Variants in COL6A2 observed in about 807,000 individuals in gnomAD.
The protein encoded by COL6A2 is collagen alpha-2(VI) chain.
Under a neutral mutation model 124.9 loss-of-function variants are expected in COL6A2, and 90 were observed. The observed-to-expected ratio is 0.72, with a 90% CI of 0.61 to 0.86. The LOEUF (loss-of-function observed/expected upper bound fraction) is 0.86. Among genes scored for constraint, COL6A2 ranks in the 40% least tolerant of loss-of-function variants. The probability of loss-of-function intolerance (pLI) is 0.00; values close to 1 mark genes in which losing one functional copy is unlikely to be tolerated. For synonymous variants in COL6A2, 793 were observed against 618.2 expected (o/e 1.28, Z -4.19); for missense variants, 1,607 against 1,502.5 (o/e 1.07, Z -1.15).
intron 25 of COL6A2, 66 bp downstream of exon 25, chr21:46,125,683 G>A (rs1361234102): frequency 3.1e-6 from 5 of 1,591,600 alleles, no homozygotes; most frequent in South Asian, 1.1e-5. Context: ...GCGATGAGAT[G>A]GGAGAAGTCC....
Position 46,114,055 on chromosome 21 carries a change from G to C in COL6A2, c.783G>C (p.Lys261Asn). The change falls in exon 5 of 28, where the codon AAG becomes AAC. Residue 261 changes from lysine (K) to asparagine (N), a missense_variant. By Grantham distance (94) the Lys-to-Asn change is moderately conservative. Around this residue, in one of 3 missense-constraint regions of COL6A2, gnomAD observed 342 missense variants for 381.5 expected, o/e 0.90. Coordinates refer to ENST00000300527, the MANE Select transcript of COL6A2 (RefSeq NM_001849.4). ...AAATCCCTGGGCCCTCTGGCCCCAA[G>C]GGCTACCGTGGACAGAAGGTAAGAT... ...CLEIPGPSGP[K>N]GYRGQKGAKG... The C allele has an allele frequency of 6.2e-7, 1 of 1,613,640 alleles. No individual in the cohort carries two copies. Among genetic ancestry groups the C allele is most frequent in the Non-Finnish European group, 8.5e-7 (1 of 1,179,850 alleles).
chr21:46,114,170 T>A, intron 5 of COL6A2, 97 bp downstream of exon 5: 1 of 1,017,518 alleles, frequency 9.8e-7, no homozygotes, highest in Non-Finnish European at 1.6e-6. Context: ...CTCATACCTG[T>A]AATCCCAGCA....
Position 46,132,177 on chromosome 21 carries a change from C to T in COL6A2, c.2685C>T (p.Ser895=). The T allele has an allele frequency of 1.3e-6, 2 of 1,572,966 alleles. No homozygotes were observed. Residue 895 remains serine (S), a synonymous_variant, in exon 28 of 28, where the codon AGC becomes AGT. Transcript: ENST00000300527. ...AGCAGCAGGTGGCCTTCCCGCTGAG[C>T]CACAACCTCACGGCCATCCACGAGG... ...PGEQQVAFPL[S]HNLTAIHEAL...
chr21:46,122,813 C>T, intron 20 of COL6A2, 62 bp from the exon 21 acceptor site: 1 of 1,503,354 alleles, frequency 6.7e-7, no homozygotes, highest in Non-Finnish European at 9.3e-7. Flanking sequence ...ATAAAAATCT[C>T]ACTGGTGTCC....
rs1285051600 is a variant in COL6A2 at position 46,132,602 on chromosome 21, T to C, written c.*50T>C. 5.9e-6 allele frequency: 9 copies of C among 1,528,052 alleles called. No homozygotes were observed. The highest frequency in any genetic ancestry group is 3.4e-4 in the Middle Eastern group (2 of 5,970). 94.7% of individuals were successfully genotyped at this position (1,528,052 alleles called of 1,614,324 possible). A position where few individuals can be genotyped will look rare whatever the true frequency, so the allele number is the denominator to read the frequency against. ...GAGGGTCGTGAGCCCACCCCGTCCATGGTGCTAAGCGGGCCCGGGTCCCAC... is the reference window on the plus strand; with the variant it reads ...GAGGGTCGTGAGCCCACCCCGTCCACGGTGCTAAGCGGGCCCGGGTCCCAC... On this transcript the variant is annotated 3_prime_UTR_variant, in exon 28 of 28. Transcript: ENST00000300527.
chr21:46,098,622 C>T (rs1410250595), intron 1 of COL6A2, among the ~76,000 whole-genome samples: 1 of 151,576 alleles, frequency 6.6e-6, no homozygotes, highest in African/African-American at 2.4e-5. Flanking sequence ...GGCGCAGGGC[C>T]TCTCCCCGGG....
intron 1 of COL6A2, among the ~76,000 whole-genome samples, chr21:46,110,812 C>G (rs2078388281): frequency 1.3e-5 from 2 of 152,258 alleles, no homozygotes; most frequent in African/African-American, 4.8e-5. Context: ...CCTCCTGGAG[C>G]TGGAGCTTAG....
Position 46,130,061 on chromosome 21 carries a change from G to A in COL6A2, c.2462-1893G>A, listed in dbSNP as rs180899384. On this transcript the variant is annotated intron_variant, in intron 27 of 27. Transcript: ENST00000300527. The stretch of plus-strand genomic sequence containing the variant: ...ATCCCGTGCATGGTGACTCGTGGGC[G>A]CTCACGGCCCACCTGGTGGCAGGTG... 2.8e-3 allele frequency among the ~76,000 whole-genome samples: 421 copies of A among 152,284 alleles called. 1 individual carries two copies. Among genetic ancestry groups the A allele is most frequent in the African/African-American group, 9.6e-3 (400 of 41,560 alleles).
At chr21:46,101,394 A>G (rs1353784579) in intron 1 of COL6A2, among the ~76,000 whole-genome samples, 1 of 152,220 alleles carries the variant, frequency 6.6e-6, no homozygotes. Flanking sequence ...TTCACTAGAT[A>G]GATGCAAAAA....
intron 5 of COL6A2, 41 bp downstream of exon 5, chr21:46,114,114 A>G (rs757474900): frequency 5.6e-5 from 87 of 1,549,640 alleles, no homozygotes; most frequent in Non-Finnish European, 7.0e-5. Context: ...CGCTACCAGG[A>G]AGCCCCTGAT....
Position 46,118,582 on chromosome 21 carries a change from AGACGTGAGGCT to A in COL6A2, c.1117-29_1117-19del, listed in dbSNP as rs1331743773. On this transcript the variant is annotated intron_variant, in intron 12 of 27. Transcript: ENST00000300527. ...CCTGCACCCCCCTTCCCCTGCCAAAAGACGTGAGGCTGATTCTGCAAACCCTTCCAGGGGGA... is the reference window on the plus strand; with the variant it reads ...CCTGCACCCCCCTTCCCCTGCCAAAAGATTCTGCAAACCCTTCCAGGGGGA... 3 of 1,610,764 alleles carry A rather than the reference AGACGTGAGGCT, an allele frequency of 1.9e-6. No homozygotes were observed. In the South Asian group the frequency reaches 3.3e-5, roughly 18 times the overall value.
chr21:46,127,883 G>C (rs73161615), intron 27 of COL6A2, among the ~76,000 whole-genome samples: 1 of 152,148 alleles, frequency 6.6e-6, no homozygotes, highest in Non-Finnish European at 1.5e-5. Flanking sequence ...TAGTTAGCCC[G>C]TTGAGCGTCA....
At chr21:46,125,681 A>G (rs940316224) in intron 25 of COL6A2, 64 bp downstream of exon 25, 2 of 1,591,734 alleles carry the variant, frequency 1.3e-6, no homozygotes. Context: ...AGGCGATGAG[A>G]TGGGAGAAGT....
chr21:46,102,755 C>T (rs2078301093), intron 1 of COL6A2, among the ~76,000 whole-genome samples: 1 of 149,714 alleles, frequency 6.7e-6, no homozygotes, highest in Admixed American at 6.7e-5. Flanking sequence ...AGAAATAAAT[C>T]CTACTTGGTC....
chr21:46,132,324 C>T lies in COL6A2; in HGVS notation c.2832C>T (p.Phe944=), dbSNP rs912421199. Reference sequence around the variant, plus strand: ...CCCGGAGGCACGCAGAGCTGTCCTTCGTGTTCCTCACGGACGGCGTCACGG... The same window carrying T: ...CCCGGAGGCACGCAGAGCTGTCCTTTGTGTTCCTCACGGACGGCGTCACGG... ...GGARRHAELS[F]VFLTDGVTGN... is the part of the protein sequence containing the mutation. The change falls in exon 28 of 28, where the codon TTC becomes TTT. Residue 944 remains phenylalanine (F), a synonymous_variant. Transcript: ENST00000300527. The T allele has an allele frequency of 7.5e-6, 12 of 1,607,442 alleles. No individual in the cohort carries two copies. The highest frequency in any genetic ancestry group is 3.3e-5 in the South Asian group (3 of 91,060).
Position 46,125,492 on chromosome 21 carries a change from A to T in COL6A2, c.1844A>T (p.Asp615Val). Residue 615 changes from aspartate to valine, a missense_variant, in exon 25 of 28, where the codon GAC becomes GTC. Asp to Val is a radical substitution (Grantham distance 152, BLOSUM62 -3). This residue lies in a region of COL6A2 where 1,223 missense variants were observed against 1,052.2 expected (regional missense o/e 1.16). Transcript: ENST00000300527. ...CDCEKRCGAL[D>V]VVFVIDSSES... ...TGTGAGAAGCGCTGTGGCGCCCTGG[A>T]CGTGGTCTTCGTCATCGACAGCTCC... 2 of 1,612,800 alleles carry T rather than the reference A, an allele frequency of 1.2e-6. No homozygotes were observed. The highest frequency in any genetic ancestry group is 1.7e-6 in the Non-Finnish European group (2 of 1,179,888).
At chr21:46,118,534 G>T (rs921656095) in intron 12 of COL6A2, 80 bp from the exon 13 acceptor site, 2 of 1,380,114 alleles carry the variant, frequency 1.4e-6, no homozygotes, top group African/African-American at 2.8e-5. Context: ...CCCGACCGTG[G>T]GTCCTGCCCC....
chr21:46,105,475 T>G (rs1285030779), intron 1 of COL6A2, among the ~76,000 whole-genome samples: 1 of 152,246 alleles, frequency 6.6e-6, no homozygotes, highest in African/African-American at 2.4e-5. Flanking sequence ...TGTGTAATGC[T>G]GCTTTTTGTT....
At position 46,116,382 on chromosome 21, in the gene COL6A2, T is replaced by A; in HGVS notation, c.906T>A (p.Val302=). 6.2e-7 allele frequency: 1 copy of A among 1,613,014 alleles called. No homozygotes were observed. The change falls in exon 8 of 28, where the codon GTT becomes GTA. Residue 302 remains valine (V), a synonymous_variant. Coordinates refer to ENST00000300527, the MANE Select transcript of COL6A2 (RefSeq NM_001849.4). The surrounding 1 kb of genome is among the most constrained non-coding windows in gnomAD (Gnocchi z 4.6). ...CTCTCTCCTCCTGCCCCCAGGGCGT[T>A]CCTGGCTTCAAAGGAGAGAAGGTGA... ...GPIGFPGPKG[V]PGFKGEKGEF...
Sources: allele counts gnomAD v4.1 joint callset (sites outside exome capture counted in the v4.1 genomes callset), GRCh38; gene constraint gnomAD v4.1.1; regional missense constraint gnomAD v4.1.1; non-coding constraint Gnocchi (gnomAD v3.1); transcripts MANE v1.5; gene names NCBI Gene and HGNC (gene_info 2026-07-23, HGNC 2026-07-21).